Variants in VSTM1 observed in about 807,000 individuals in gnomAD.
VSTM1 encodes the protein V-set and transmembrane domain containing 1.
A neutral mutation model predicts 33.1 loss-of-function variants in VSTM1; 27 were observed. The ratio of observed to expected loss-of-function variants is 0.82; its 90% CI spans 0.60 to 1.12. VSTM1 has a LOEUF of 1.12. Among genes scored for constraint, VSTM1 ranks in the 50% most tolerant of loss-of-function variants. VSTM1 has a pLI of 0.00. For missense variants in VSTM1, 304 were observed against 288.9 expected (o/e 1.05, Z -0.38); for synonymous variants, 115 against 110.3 (o/e 1.04, Z -0.27).
At chr19:54,055,118 C>T (rs2071029447) in intron 3 of VSTM1, among the ~76,000 whole-genome samples, 1 of 140,090 alleles carries the variant, frequency 7.1e-6, no homozygotes, top group Non-Finnish European at 1.6e-5. Flanking sequence ...TGCATCTTCT[C>T]ACTGTGGTCC....
chr19:54,051,031 C>T (rs1011113260), intron 4 of VSTM1, among the ~76,000 whole-genome samples: 2 of 151,334 alleles, frequency 1.3e-5, no homozygotes, highest in Admixed American at 6.6e-5. Flanking sequence ...CGGTGGCTCA[C>T]GCCTGTAATC....
intron 1 of VSTM1, among the ~76,000 whole-genome samples, chr19:54,059,980 T>C (rs2071313209): frequency 6.6e-6 from 1 of 151,812 alleles, no homozygotes; most frequent in African/African-American, 2.4e-5. Context: ...CCCGAGTAGC[T>C]GGGACTACAG....
rs1344976286 is a variant in VSTM1, at chr19:54,041,969, A to T, written c.516-16T>A. On this transcript the variant is annotated splice_polypyrimidine_tract_variant and intron_variant, in intron 6 of 8. Coordinates refer to ENST00000338372, the MANE Select transcript of VSTM1 (RefSeq NM_198481.4). ...ATGGCTGGTTCTGAAAGAGAGAGAC[A>T]CACGTGAAAGGATGGGATGTGAAGA... The T allele has an allele frequency of 1.9e-6, 3 of 1,613,804 alleles. No homozygotes were observed. Among genetic ancestry groups the T allele is most frequent in the Non-Finnish European group, 1.7e-6 (2 of 1,179,902 alleles).
At chr19:54,057,334 C>A (rs2071147558) in intron 3 of VSTM1, among the ~76,000 whole-genome samples, 1 of 115,882 alleles carries the variant, frequency 8.6e-6, no homozygotes, top group Non-Finnish European at 1.9e-5. Context: ...GCCTGGGCAA[C>A]ATAGATCCTG....
intron 1 of VSTM1, among the ~76,000 whole-genome samples, chr19:54,063,419 C>T (rs1193310296): frequency 1.3e-5 from 2 of 152,152 alleles, no homozygotes; most frequent in Non-Finnish European, 2.9e-5. Context: ...GCCTTGCACC[C>T]TGTAGATCCC....
intron 5 of VSTM1, 27 bp downstream of exon 5, chr19:54,042,250 C>A (rs2070322120): frequency 1.2e-6 from 2 of 1,613,890 alleles, no homozygotes; most frequent in Non-Finnish European, 1.7e-6. Context: ...CACTCCCCCT[C>A]TCTCCCTTTG....
chr19:54,048,691 A>G (rs1159576684), intron 4 of VSTM1, among the ~76,000 whole-genome samples: 1 of 152,182 alleles, frequency 6.6e-6, no homozygotes, highest in Non-Finnish European at 1.5e-5. Context: ...CATACTCAAG[A>G]TAATTTACAG....
chr19:54,042,104 T>G, intron 6 of VSTM1, 65 bp downstream of exon 6: 6 of 1,606,104 alleles, frequency 3.7e-6, no homozygotes, highest in Non-Finnish European at 5.1e-6. Flanking sequence ...ATCCCGGATG[T>G]GCCAATGGGT....
At chr19:54,049,991 A>ATTTTTTTTTTT (rs11297678) in intron 4 of VSTM1, among the ~76,000 whole-genome samples, 1 of 99,122 alleles carries the variant, frequency 1.0e-5, no homozygotes, top group Non-Finnish European at 1.9e-5. Flanking sequence ...TAACTTTTTA[A>ATTTTTTTTTTT]TTTTTTTTTT....
intron 1 of VSTM1, among the ~76,000 whole-genome samples, chr19:54,062,995 C>A (rs2071470214): frequency 6.6e-6 from 1 of 152,072 alleles, no homozygotes. Flanking sequence ...ACATCAGGTT[C>A]AATTGGAGGA....
rs77090474 is a variant in VSTM1, at chr19:54,058,307, T to C, written c.354A>G (p.Thr118=). 0.026 allele frequency: 41,305 copies of C among 1,613,330 alleles called. 604 individuals carry two copies. Among genetic ancestry groups the C allele is most frequent in the Non-Finnish European group, 0.029 (34,231 of 1,179,732 alleles). The part of the protein sequence containing the change: ...ESSEHLQLVV[T]DKHDELEAPS... ...AAAGAGTACATCTGCCCTTCTCACC[T>C]GTGACCACCAGCTGCAAGTGTTCAC... Residue 118 remains threonine (T), a splice_region_variant and synonymous_variant, in exon 3 of 9, where the codon ACA becomes ACG. Transcript: ENST00000338372.
Position 54,054,314 on chromosome 19 carries a change from G to C in VSTM1, c.356-2866C>G, listed in dbSNP as rs185422451. On this transcript the variant is annotated intron_variant, in intron 3 of 8. Coordinates refer to ENST00000338372, the MANE Select transcript of VSTM1 (RefSeq NM_198481.4). ...CTTTTAGGGCTAAAGTGTGGGTGCA[G>C]AAATTCTTAAGACTACAAGAACGAG... 4.8e-4 allele frequency among the ~76,000 whole-genome samples: 68 copies of C among 142,634 alleles called. 10 individuals carry two copies. The highest frequency in any genetic ancestry group is 2.5e-3 in the South Asian group (11 of 4,332). The allele number at this position is 142,634 out of a possible 152,430, so 93.6% of individuals were successfully genotyped here.
chr19:54,059,441 CTT>C (rs1217414265), intron 1 of VSTM1, among the ~76,000 whole-genome samples: 1 of 152,024 alleles, frequency 6.6e-6, no homozygotes, highest in African/African-American at 2.4e-5. Flanking sequence ...TTCACCTATG[CTT>C]TTTTCTGGTA....
chr19:54,047,191 G>A (rs919411519), intron 4 of VSTM1, among the ~76,000 whole-genome samples: 2 of 151,982 alleles, frequency 1.3e-5, no homozygotes, highest in Non-Finnish European at 2.9e-5. Flanking sequence ...GCGAAACTCT[G>A]TCTCAAAACT....
intron 1 of VSTM1, among the ~76,000 whole-genome samples, chr19:54,062,311 C>T (rs1392196551): frequency 6.6e-6 from 1 of 152,202 alleles, no homozygotes; most frequent in Non-Finnish European, 1.5e-5. Flanking sequence ...TTCCTTTAAG[C>T]CACCAGGCTT....
chr19:54,051,697 G>A (rs1312074680), intron 3 of VSTM1, among the ~76,000 whole-genome samples: 1 of 152,060 alleles, frequency 6.6e-6, no homozygotes, highest in African/African-American at 2.4e-5. Context: ...CCCTGCTAAC[G>A]CCCCCTCCAG....
At chr19:54,062,031 T>G (rs578177618) in intron 1 of VSTM1, among the ~76,000 whole-genome samples, 211 of 151,634 alleles carry the variant, frequency 1.4e-3, no homozygotes, top group Non-Finnish European at 2.5e-3. Context: ...TGGTCCATGC[T>G]TGTAATCCCA....
intron 1 of VSTM1, among the ~76,000 whole-genome samples, chr19:54,062,185 G>A (rs116260368): frequency 0.015 from 2,333 of 151,944 alleles, 60 homozygotes; most frequent in African/African-American, 0.054. Context: ...AGAATTGTCA[G>A]CCATCACTAG....
intron 3 of VSTM1, among the ~76,000 whole-genome samples, 190 bp from the exon 4 acceptor site, chr19:54,051,638 A>T (rs1600136702): frequency 6.6e-6 from 1 of 152,178 alleles, no homozygotes; most frequent in Non-Finnish European, 1.5e-5. Flanking sequence ...TCTTCTTAAT[A>T]GTCCTGGAGT....
Sources: allele counts gnomAD v4.1 joint callset (sites outside exome capture counted in the v4.1 genomes callset), GRCh38; gene constraint gnomAD v4.1.1; transcripts MANE v1.5; gene names NCBI Gene and HGNC (gene_info 2026-07-23, HGNC 2026-07-21).